Variants in LPIN1 observed in about 807,000 individuals in gnomAD.
LPIN1 encodes the protein lipin 1.
LPIN1 carries 71 observed loss-of-function variants against 107.5 expected under a neutral mutation model. That is an observed-to-expected ratio of 0.66 (90% CI 0.55 to 0.80). The LOEUF (loss-of-function observed/expected upper bound fraction) is 0.80, where lower values mean the gene tolerates loss of function less well. Ranked by LOEUF, LPIN1 falls within the 30% of genes least tolerant of loss-of-function variation. LPIN1 has a pLI of 0.00. For missense variants in LPIN1, 1,043 were observed against 1,160.6 expected, an observed-to-expected ratio of 0.90 and a Z score of 1.47; for synonymous variants, 445 against 452.6, an observed-to-expected ratio of 0.98 and a Z score of 0.21.
chr2:11,738,589 C>T (rs1195695282), intron 1 of LPIN1, among the ~76,000 whole-genome samples: 1 of 150,362 alleles, frequency 6.7e-6, no homozygotes, highest in African/African-American at 2.5e-5. Context: ...TTAGTGGACA[C>T]TGGACAATAG....
chr2:11,746,371 CAG>C (rs1261127719), upstream of LPIN1, among the ~76,000 whole-genome samples: 2 of 152,304 alleles, frequency 1.3e-5, no homozygotes, highest in African/African-American at 4.8e-5. Flanking sequence ...TAGGTCAAGT[CAG>C]AGTGTTGAAG....
chr2:11,820,442 C>G lies in LPIN1; in HGVS notation c.2549C>G (p.Ser850Cys), dbSNP rs1289605053. ...DVYSYKQVGV[S>C]LNRIFTVNPK... ...TATTCATACAAGCAAGTAGGAGTGT[C>G]TTTGAATAGAATATTTACCGTCAAC... Residue 850 changes from serine (S) to cysteine (C), a missense_variant, in exon 20 of 21, where the codon TCT (serine) becomes TGT (cysteine). Coordinates refer to ENST00000674199, the MANE Select transcript of LPIN1 (RefSeq NM_001349206.2). The G allele has an allele frequency of 6.2e-7, 1 of 1,613,124 alleles. No individual in the cohort carries two copies. The highest frequency in any genetic ancestry group is 2.2e-5 in the East Asian group (1 of 44,880).
rs528448147 is a variant in LPIN1, at chr2:11,710,602, G to A, written c.82-3154G>A. ...GTAGCCACTGACATCTGTATGGTAC[G>A]TTACTGTTTTCACAGTATTCTGTCT... On this transcript the variant is annotated intron_variant, in intron 1 of 21. Coordinates refer to the LPIN1 transcript ENST00000449576. Among the ~76,000 whole-genome samples, 7 of 152,246 alleles carry A rather than the reference G, an allele frequency of 4.6e-5. No homozygotes were observed. The East Asian group carries it at 5.8e-4, about 13-fold the overall frequency.
In LPIN1 at chr2:11,765,537, A is replaced by G. The variant is rs769824579; in HGVS notation, c.-5A>G. On this transcript the variant is annotated 5_prime_UTR_variant, in exon 2 of 21. Transcript: ENST00000674199. This position sits in a 1 kb window ranked among gnomAD's most constrained non-coding sequence, Gnocchi z 4.4. Reference sequence around the variant, plus strand: ...TTTTTTTTGTCTGTTTTCCAGGTGCAGACCATGAATTACGTGGGGCAGTTA... The same window carrying G: ...TTTTTTTTGTCTGTTTTCCAGGTGCGGACCATGAATTACGTGGGGCAGTTA... 1.2e-6 allele frequency: 2 copies of G among 1,613,092 alleles called. No individual in the cohort carries two copies. Among genetic ancestry groups the G allele is most frequent in the Admixed American group, 3.3e-5 (2 of 59,958 alleles).
intron 17 of LPIN1, among the ~76,000 whole-genome samples, chr2:11,813,641 G>A (rs1196685842): frequency 4.6e-5 from 7 of 152,170 alleles, no homozygotes; most frequent in Admixed American, 1.3e-4. Context: ...GGGGCCGGGC[G>A]TGGTGGCTCA....
At chr2:11,757,073 C>G (rs1200650202) in intron 1 of LPIN1, among the ~76,000 whole-genome samples, 1 of 152,182 alleles carries the variant, frequency 6.6e-6, no homozygotes, top group African/African-American at 2.4e-5. Context: ...GTTGTAGAGT[C>G]CTGTTTCAAG....
rs554865075 is a variant in LPIN1 at position 11,730,442 on chromosome 2, T to G, written c.-72+5903T>G. 2.6e-5 allele frequency among the ~76,000 whole-genome samples: 4 copies of G among 152,354 alleles called. No individual in the cohort carries two copies. In the East Asian group the frequency reaches 7.7e-4, roughly 29 times the overall value. On this transcript the variant is annotated intron_variant, in intron 1 of 21. Coordinates refer to the LPIN1 transcript ENST00000396097. ...CCTTATGCAATTAGAGACATCAACG[T>G]ATTAAGCATAATTTTCTTTTAAAAA...
chr2:11,810,872 C>T lies in LPIN1; in HGVS notation c.2250-4216C>T, dbSNP rs192080693. Among the ~76,000 whole-genome samples the T allele has an allele frequency of 2.0e-5, 3 of 152,234 alleles. No homozygotes were observed. In the East Asian group the frequency reaches 5.8e-4, roughly 29 times the overall value. The stretch of plus-strand genomic sequence containing the variant: ...TCTTTCCAAACTATTTAAATCTCCC[C>T]GAGTCAGTGTCTTAAGAGGGATGCA... On this transcript the variant is annotated intron_variant, in intron 17 of 20. Transcript: ENST00000674199.
At position 11,771,262 on chromosome 2, in the gene LPIN1, C is replaced by A. The variant is rs887731678; in HGVS notation, c.289-110C>A. The A allele has an allele frequency of 1.9e-6, 2 of 1,074,800 alleles. No homozygotes were observed. The highest frequency in any genetic ancestry group is 2.8e-6 in the Non-Finnish European group (2 of 706,202). 66.6% of individuals were successfully genotyped at this position (1,074,800 alleles called of 1,614,324 possible). On this transcript the variant is annotated intron_variant, in intron 3 of 20. Transcript: ENST00000674199. The surrounding 1 kb of genome is among the most constrained non-coding windows in gnomAD (Gnocchi z 4.8). ...TAGCTGGGCCATCTGCTGTGGCCCTCCCCAGGAGGTGCTTGGCCTCTGAAG... is the reference window on the plus strand; with the variant it reads ...TAGCTGGGCCATCTGCTGTGGCCCTACCCAGGAGGTGCTTGGCCTCTGAAG...
At chr2:11,789,373 ATGTG>A (rs1187178065) in intron 12 of LPIN1, among the ~76,000 whole-genome samples, 1 of 150,506 alleles carries the variant, frequency 6.6e-6, no homozygotes, top group South Asian at 2.1e-4. Flanking sequence ...GTGCGCATGT[ATGTG>A]TGTGCATGCG....
Position 11,703,157 on chromosome 2 carries a change from GAA to G in LPIN1, c.82-10596_82-10595del, listed in dbSNP as rs145224854. ...ATAAAGGCATTGAAAAACTACTAGGGAAAAGTCATCTTTATCTCTGTTTTATC... is the reference window on the plus strand; with the variant it reads ...ATAAAGGCATTGAAAAACTACTAGGGAAGTCATCTTTATCTCTGTTTTATC... On this transcript the variant is annotated intron_variant, in intron 1 of 21. Transcript: ENST00000449576. Among the ~76,000 whole-genome samples the G allele has an allele frequency of 8.9e-3, 1,363 of 152,320 alleles. 22 individuals carry two copies. The highest frequency in any genetic ancestry group is 0.032 in the African/African-American group (1,312 of 41,560).
intron 20 of LPIN1, among the ~76,000 whole-genome samples, chr2:11,823,631 T>C (rs1681942871): frequency 6.6e-6 from 1 of 152,200 alleles, no homozygotes; most frequent in African/African-American, 2.4e-5. Context: ...TAGACAGTGA[T>C]CAGTGACTGT....
At chr2:11,815,273 G>T (rs1558300644) in intron 18 of LPIN1, 33 bp downstream of exon 18, 2 of 1,612,974 alleles carry the variant, frequency 1.2e-6, no homozygotes, top group Non-Finnish European at 1.7e-6. Flanking sequence ...CTCCATCTGT[G>T]AGCCTGTTCA....
chr2:11,807,620 T>C (rs1678935605), intron 17 of LPIN1, among the ~76,000 whole-genome samples: 1 of 152,130 alleles, frequency 6.6e-6, no homozygotes, highest in Admixed American at 6.5e-5. Context: ...ACCATTCTTT[T>C]CTTTGATTGG....
Position 11,741,549 on chromosome 2 carries a change from G to C in LPIN1, c.9+121G>C, listed in dbSNP as rs573977358. On this transcript the variant is annotated intron_variant, in intron 2 of 21. Transcript: ENST00000396097. ...AAATTGGTTCCAAACATTGCCACTCGAGCTCAGGAGTTTGAGACCAGCCTG... is the reference window on the plus strand; with the variant it reads ...AAATTGGTTCCAAACATTGCCACTCCAGCTCAGGAGTTTGAGACCAGCCTG... 71 of 740,536 alleles carry C rather than the reference G, an allele frequency of 9.6e-5. No individual in the cohort carries two copies. The African/African-American group carries it at 1.1e-3, about 12-fold the overall frequency. The allele number at this position is 740,536 out of a possible 1,614,324, so 45.9% of individuals were successfully genotyped here.
At chr2:11,719,509 T>C (rs144757216), upstream of LPIN1, among the ~76,000 whole-genome samples, 28 of 152,358 alleles carry the variant, frequency 1.8e-4, no homozygotes, top group East Asian at 5.4e-3. Context: ...TCCCTTTGCT[T>C]TCACTTTCCA....
Position 11,717,650 on chromosome 2 carries a change from A to T in LPIN1, c.138+3838A>T, listed in dbSNP as rs189575180. ...TTTTCATATGGCTTTTAGAATTTTT[A>T]AAAAAAATTATTTAGCAAATCTTAT... On this transcript the variant is annotated intron_variant, in intron 2 of 21. Coordinates refer to the LPIN1 transcript ENST00000449576. 3.0e-3 allele frequency among the ~76,000 whole-genome samples: 451 copies of T among 152,198 alleles called. 3 individuals carry two copies. Among genetic ancestry groups the T allele is most frequent in the African/African-American group, 8.7e-3 (363 of 41,532 alleles).
chr2:11,715,789 A>T (rs1250735724), intron 2 of LPIN1, among the ~76,000 whole-genome samples: 1 of 152,104 alleles, frequency 6.6e-6, no homozygotes, highest in African/African-American at 2.4e-5. Context: ...GGGGGATGTG[A>T]TTGGAAGAGG....
At chr2:11,821,779 A>G (rs1388264119) in intron 20 of LPIN1, among the ~76,000 whole-genome samples, 1 of 152,184 alleles carries the variant, frequency 6.6e-6, no homozygotes, top group Non-Finnish European at 1.5e-5. Flanking sequence ...GGGCTGCCCC[A>G]CAAGACTCCT....
Sources: gnomAD v4.1 joint callset for allele counts (sites outside exome capture counted in the v4.1 genomes callset) on GRCh38, gnomAD v4.1.1 for gene constraint, Gnocchi (gnomAD v3.1) non-coding constraint, MANE v1.5 for transcripts, NCBI Gene and HGNC (gene_info 2026-07-23, HGNC 2026-07-21) for gene names.